PALLD: variants seen among roughly 807,000 people sequenced by gnomAD.
The protein encoded by PALLD is palladin.
In PALLD, 61 loss-of-function variants were observed where a neutral mutation model predicts 123.5. The ratio of observed to expected loss-of-function variants is 0.49; its 90% confidence interval spans 0.40 to 0.61. The LOEUF is 0.61. Among genes scored for constraint, PALLD ranks in the 20% least tolerant of loss-of-function variants. The probability of loss-of-function intolerance (pLI) is 0.00; values close to 1 mark genes in which losing one functional copy is unlikely to be tolerated. For synonymous variants in PALLD, 465 were observed against 496.4 expected, an observed-to-expected ratio of 0.94 and a Z score of 0.84; for missense variants, 1,273 against 1,377.0, an observed-to-expected ratio of 0.92 and a Z score of 1.20.
At chr4:168,894,858 G>T in intron 12 of PALLD, 181 bp downstream of exon 12, 3 of 907,486 alleles carry the variant, frequency 3.3e-6, no homozygotes, top group Non-Finnish European at 4.9e-6. Context: ...ACTATGTTAA[G>T]TGACTGACAG....
chr4:168,874,392 A>G (rs1345831131), intron 10 of PALLD, among the ~76,000 whole-genome samples: 2 of 152,228 alleles, frequency 1.3e-5, no homozygotes, highest in African/African-American at 4.8e-5. Context: ...TCTTTGCCCC[A>G]TCCAACCATC....
chr4:168,925,314 T>C, intron 21 of PALLD, 36 bp downstream of exon 21: 3 of 1,481,326 alleles, frequency 2.0e-6, no homozygotes, highest in Non-Finnish European at 2.8e-6. Context: ...TAGCAAAATA[T>C]GCATGTTGAT....
chr4:168,753,991 T>C (rs897036931), intron 10 of PALLD, among the ~76,000 whole-genome samples: 1 of 152,212 alleles, frequency 6.6e-6, no homozygotes, highest in Non-Finnish European at 1.5e-5. Context: ...TACTATGTAA[T>C]AGGTATGCAA....
intron 10 of PALLD, among the ~76,000 whole-genome samples, chr4:168,800,880 A>G (rs1211097009): frequency 2.6e-5 from 4 of 152,228 alleles, no homozygotes; most frequent in African/African-American, 4.8e-5. Flanking sequence ...CAACAGTAGA[A>G]CAAGTAAGGA....
chr4:168,583,762 G>C lies in PALLD; in HGVS notation c.908+71350G>C, dbSNP rs771778873. On this transcript the variant is annotated intron_variant, in intron 2 of 21. Coordinates refer to ENST00000505667, the MANE Select transcript of PALLD (RefSeq NM_001166108.2). ...ATAATATTTTTCTTTTCCTACCAATGTGCTTTTACTCTATACTTCTGCTCT... is the reference window on the plus strand; with the variant it reads ...ATAATATTTTTCTTTTCCTACCAATCTGCTTTTACTCTATACTTCTGCTCT... Among the ~76,000 whole-genome samples, 9 of 152,254 alleles carry C rather than the reference G, an allele frequency of 5.9e-5. No homozygotes were observed. In the South Asian group the frequency reaches 6.2e-4, roughly 11 times the overall value.
intron 10 of PALLD, among the ~76,000 whole-genome samples, chr4:168,807,669 A>T (rs1047206298): frequency 1.8e-4 from 27 of 151,748 alleles, no homozygotes; most frequent in African/African-American, 6.5e-4. Context: ...TTGGCCTCCC[A>T]AAGTGCTGTG....
chr4:168,604,050 C>T (rs1772929976), intron 2 of PALLD, among the ~76,000 whole-genome samples: 1 of 152,130 alleles, frequency 6.6e-6, no homozygotes, highest in African/African-American at 2.4e-5. Flanking sequence ...GGCTTCTTCT[C>T]GTGTAGTAAT....
Position 168,557,038 on chromosome 4 carries a change from T to A in PALLD, c.908+44626T>A, listed in dbSNP as rs930944240. Among the ~76,000 whole-genome samples, 111 of 61,038 alleles carry A rather than the reference T, an allele frequency of 1.8e-3. 1 individual carries two copies. Among genetic ancestry groups the A allele is most frequent in the African/African-American group, 6.4e-3 (107 of 16,604 alleles). The allele number at this position is 61,038 out of a possible 152,430, so 40.0% of individuals were successfully genotyped here. On this transcript the variant is annotated intron_variant, in intron 2 of 21. Transcript: ENST00000505667. The stretch of plus-strand genomic sequence containing the variant: ...CAACTCACATTTCCACTTGTTTTTG[T>A]TTTGTTTTGTTTTGTTTTGTTTTGA...
intron 1 of PALLD, among the ~76,000 whole-genome samples, chr4:168,497,773 C>T (rs764906083): frequency 4.6e-5 from 7 of 152,084 alleles, no homozygotes; most frequent in Admixed American, 1.3e-4. Context: ...AATAAGATAA[C>T]GCTTACTAAG....
chr4:168,798,141 C>T (rs1409386585), intron 10 of PALLD, among the ~76,000 whole-genome samples: 1 of 152,084 alleles, frequency 6.6e-6, no homozygotes, highest in East Asian at 1.9e-4. Flanking sequence ...TACATTCCAG[C>T]ATGCTTTCTA....
chr4:168,928,357 T>C lies in PALLD; in HGVS notation c.*2177T>C, dbSNP rs1384512793. 6.0e-5 allele frequency: 11 copies of C among 182,948 alleles called. No homozygotes were observed. Among genetic ancestry groups the C allele is most frequent in the Non-Finnish European group, 3.5e-5 (3 of 85,622 alleles). The allele number at this position is 182,948 out of a possible 1,614,324, so 11.3% of individuals were successfully genotyped here. ...AAAAAGTACTATCAATCAATCATACTACTTTGGATTGTTGTGCTGGTGTAA... is the reference window on the plus strand; with the variant it reads ...AAAAAGTACTATCAATCAATCATACCACTTTGGATTGTTGTGCTGGTGTAA... On this transcript the variant is annotated 3_prime_UTR_variant, in exon 22 of 22. Transcript: ENST00000505667.
chr4:168,735,665 A>G (rs934698035), intron 10 of PALLD, among the ~76,000 whole-genome samples: 1 of 152,130 alleles, frequency 6.6e-6, no homozygotes, highest in African/African-American at 2.4e-5. Flanking sequence ...GCGTGCTTCT[A>G]GTATACATAG....
intron 10 of PALLD, among the ~76,000 whole-genome samples, chr4:168,729,714 G>T (rs145469670): frequency 6.6e-6 from 1 of 151,820 alleles, no homozygotes; most frequent in African/African-American, 2.4e-5. Flanking sequence ...TTATTTTATC[G>T]TCTCATTTAC....
intron 2 of PALLD, among the ~76,000 whole-genome samples, chr4:168,594,616 A>G (rs1393171863): frequency 6.6e-6 from 1 of 152,148 alleles, no homozygotes; most frequent in Non-Finnish European, 1.5e-5. Context: ...GGGTCAAATG[A>G]TCTAACCTCT....
chr4:168,737,078 A>G (rs13121768), intron 10 of PALLD, among the ~76,000 whole-genome samples: 5,862 of 152,322 alleles, frequency 0.038, 179 homozygotes, highest in Non-Finnish European at 0.06. Context: ...AATTGCTATA[A>G]TGTATTACAT....
chr4:168,612,537 G>C (rs1397492386), intron 2 of PALLD, among the ~76,000 whole-genome samples: 2 of 152,222 alleles, frequency 1.3e-5, no homozygotes, highest in African/African-American at 4.8e-5. Flanking sequence ...CTGCATTCTG[G>C]GGTAATAATT....
intron 10 of PALLD, among the ~76,000 whole-genome samples, chr4:168,879,414 A>G (rs966658443): frequency 2.6e-5 from 4 of 152,208 alleles, no homozygotes; most frequent in Non-Finnish European, 4.4e-5. Context: ...GCCAGCACCC[A>G]TATCTCAACT....
chr4:168,757,967 A>G (rs1250200922), intron 10 of PALLD, among the ~76,000 whole-genome samples: 1 of 152,170 alleles, frequency 6.6e-6, no homozygotes, highest in African/African-American at 2.4e-5. Context: ...GCTATCTGGG[A>G]GGCTGAGGCA....
intron 8 of PALLD, among the ~76,000 whole-genome samples, chr4:168,703,959 G>A (rs1371165023): frequency 6.6e-6 from 1 of 152,076 alleles, no homozygotes; most frequent in Non-Finnish European, 1.5e-5. Flanking sequence ...ATTGCTTTTG[G>A]TGTTTTAAGA....
Sources: allele counts gnomAD v4.1 joint callset (sites outside exome capture counted in the v4.1 genomes callset), GRCh38; gene constraint gnomAD v4.1.1; transcripts MANE v1.5; gene names NCBI Gene and HGNC (gene_info 2026-07-23, HGNC 2026-07-21).